The following CDC42 variants were observed in gnomAD, a reference collection of about 807,000 sequenced individuals.
CDC42 encodes the protein cell division cycle 42.
A neutral mutation model predicts 20.8 loss-of-function variants in CDC42; 1 was observed. The ratio of observed to expected loss-of-function variants is 0.05; its 90% CI spans 0.02 to 0.23. The LOEUF (loss-of-function observed/expected upper bound fraction) is 0.23. Ranked by LOEUF, CDC42 falls within the 10% of genes least tolerant of loss-of-function variation. The pLI, the probability that CDC42 is intolerant of heterozygous loss-of-function variation, is 1.00. For synonymous variants in CDC42, 72 were observed against 84.8 expected, an observed-to-expected ratio of 0.85 and a Z score of 0.83; for missense variants, 49 against 227.9, an observed-to-expected ratio of 0.21 and a Z score of 5.05.
At chr1:22,063,082 A>T (rs551112987) in intron 1 of CDC42, among the ~76,000 whole-genome samples, 1 of 152,262 alleles carries the variant, frequency 6.6e-6, no homozygotes, top group African/African-American at 2.4e-5. Context: ...TTTAGAGTCT[A>T]TATGACTTGG....
chr1:22,065,960 A>G (rs1452329766), intron 1 of CDC42, among the ~76,000 whole-genome samples: 1 of 152,002 alleles, frequency 6.6e-6, no homozygotes, highest in Non-Finnish European at 1.5e-5. Flanking sequence ...GGATTTCACC[A>G]TGTTGGCTAG....
chr1:22,068,439 T>C (rs1215788814), intron 1 of CDC42: 1 of 153,346 alleles, frequency 6.5e-6, no homozygotes, highest in African/African-American at 2.4e-5. Flanking sequence ...TGGCAGACTT[T>C]TTTCCTGTTG....
rs1570038714 is a variant in CDC42, at chr1:22,086,756, A to G, written c.376A>G (p.Ile126Val). The part of the protein sequence containing the change: ...QIDLRDDPST[I>V]EKLAKNKQKP... ...TGATCTCAGAGATGACCCCTCTACT[A>G]TTGAGAAACTTGCCAAGAACAAACA... Residue 126 changes from isoleucine to valine, a missense_variant, in exon 5 of 6, where the codon ATT becomes GTT. Coordinates refer to ENST00000656825, the MANE Select transcript of CDC42 (RefSeq NM_001791.4). 1.9e-6 allele frequency: 3 copies of G among 1,613,982 alleles called. No individual in the cohort carries two copies. Among genetic ancestry groups the G allele is most frequent in the Non-Finnish European group, 2.5e-6 (3 of 1,179,918 alleles).
At chr1:22,069,220 G>A (rs2152828629) in intron 1 of CDC42, among the ~76,000 whole-genome samples, 1 of 142,814 alleles carries the variant, frequency 7.0e-6, no homozygotes, top group East Asian at 2.0e-4. Context: ...TCTGTCCCCA[G>A]GCTGGAGTGC....
intron 5 of CDC42, chr1:22,089,808 A>G: frequency 3.6e-6 from 3 of 830,508 alleles, no homozygotes; most frequent in Non-Finnish European, 5.4e-6. Flanking sequence ...CTTAAGATCT[A>G]GCATTCTAGC....
intron 1 of CDC42, among the ~76,000 whole-genome samples, chr1:22,073,331 T>G (rs1383143592): frequency 3.3e-5 from 5 of 150,798 alleles, no homozygotes; most frequent in Non-Finnish European, 7.4e-5. Flanking sequence ...GAGGTCAGGA[T>G]TTTGAGACCA....
In CDC42 at chr1:22,092,838, A is replaced by C. The variant is rs563527476; in HGVS notation, c.*1321A>C. 3.1e-4 allele frequency: 47 copies of C among 152,724 alleles called. No individual in the cohort carries two copies. Among genetic ancestry groups the C allele is most frequent in the Non-Finnish European group, 5.6e-4 (38 of 68,026 alleles). The allele number at this position is 152,724 out of a possible 1,614,324, so 9.5% of individuals were successfully genotyped here. On this transcript the variant is annotated 3_prime_UTR_variant, in exon 6 of 6. Coordinates refer to ENST00000656825, the MANE Select transcript of CDC42 (RefSeq NM_001791.4). ...TGAGGTAATCTTTCCCACCTTCCCAAACCTAATTCTTGTAGATGCATTAGT... is the reference window on the plus strand; with the variant it reads ...TGAGGTAATCTTTCCCACCTTCCCACACCTAATTCTTGTAGATGCATTAGT...
Position 22,099,420 on chromosome 1 carries a change from T to C in CDC42, c.*7903T>C, listed in dbSNP as rs1263407461. 6.6e-6 allele frequency among the ~76,000 whole-genome samples: 1 copy of C among 152,252 alleles called. No individual in the cohort carries two copies. The highest frequency in any genetic ancestry group is 2.4e-5 in the African/African-American group (1 of 41,472). On this transcript the variant is annotated 3_prime_UTR_variant, in exon 6 of 6. Transcript: ENST00000656825. ...GTATCTTCTTTTTATGGAGCAGGACTCTGAGACATCATAATTGCTTGGTAT... is the reference window on the plus strand; with the variant it reads ...GTATCTTCTTTTTATGGAGCAGGACCCTGAGACATCATAATTGCTTGGTAT...
rs991472651 is a variant in CDC42, at chr1:22,096,934, C to T, written c.*5417C>T. Among the ~76,000 whole-genome samples the T allele has an allele frequency of 2.0e-5, 3 of 152,224 alleles. No individual in the cohort carries two copies. The highest frequency in any genetic ancestry group is 1.3e-4 in the Admixed American group (2 of 15,286). On this transcript the variant is annotated 3_prime_UTR_variant, in exon 6 of 6. Transcript: ENST00000656825. Reference sequence around the variant, plus strand: ...CAGTGCACAACTTGGACAGTTCATACACAATGTTGTATTGAGATGATTGTT... The same window carrying T: ...CAGTGCACAACTTGGACAGTTCATATACAATGTTGTATTGAGATGATTGTT...
At chr1:22,073,550 AAG>A (rs1370193457) in intron 1 of CDC42, among the ~76,000 whole-genome samples, 1 of 152,110 alleles carries the variant, frequency 6.6e-6, no homozygotes, top group Admixed American at 6.6e-5. Flanking sequence ...AAAAAAAAAA[AAG>A]AAAAATAAAA....
At chr1:22,069,792 G>A (rs1297257930) in intron 1 of CDC42, among the ~76,000 whole-genome samples, 1 of 143,248 alleles carries the variant, frequency 7.0e-6, no homozygotes, top group Admixed American at 7.3e-5. Flanking sequence ...TTGTTTGTTT[G>A]TTTTTGTTGT....
chr1:22,053,845 G>A (rs775936947), intron 1 of CDC42, among the ~76,000 whole-genome samples: 1 of 152,192 alleles, frequency 6.6e-6, no homozygotes, highest in Non-Finnish European at 1.5e-5. Flanking sequence ...TAAAATCCCA[G>A]GATTAGTTTG....
At chr1:22,078,268 T>G (rs555717870) in intron 1 of CDC42, among the ~76,000 whole-genome samples, 161 bp from the exon 2 acceptor site, 1 of 152,230 alleles carries the variant, frequency 6.6e-6, no homozygotes, top group Non-Finnish European at 1.5e-5. Flanking sequence ...TTATTTGTTA[T>G]TGTAACTTAT....
intron 3 of CDC42, among the ~76,000 whole-genome samples, chr1:22,083,658 C>T (rs1485974729): frequency 6.6e-6 from 1 of 152,112 alleles, no homozygotes. Context: ...TGCTGACCCT[C>T]CACCATAATA....
In CDC42 at chr1:22,090,821, T is replaced by A. The variant is rs1040227699; in HGVS notation, c.487-607T>A. The A allele has an allele frequency of 3.0e-6, 3 of 984,804 alleles. No homozygotes were observed. In the African/African-American group the frequency reaches 5.2e-5, roughly 17 times the overall value. The allele number at this position is 984,804 out of a possible 1,614,324, so 61.0% of individuals were successfully genotyped here. A position where few individuals can be genotyped will look rare whatever the true frequency, so the allele number is the denominator to read the frequency against. On this transcript the variant is annotated intron_variant, in intron 5 of 5. Transcript: ENST00000656825. ...CGTTTGTATAAATGCCTGATGAAGC[T>A]TTATTCCTGTTGCACTGACTGGCTC...
chr1:22,090,294 A>G (rs1443682408), intron 5 of CDC42: 58 of 1,144,052 alleles, frequency 5.1e-5, no homozygotes, highest in East Asian at 1.8e-4. Flanking sequence ...TTGGATTACT[A>G]TTGCAAAAGG....
rs1460283508 is a variant in CDC42 at position 22,093,690 on chromosome 1, CA to C, written c.*2174del. 6.6e-6 allele frequency among the ~76,000 whole-genome samples: 1 copy of C among 152,166 alleles called. No individual in the cohort carries two copies. The highest frequency in any genetic ancestry group is 1.5e-5 in the Non-Finnish European group (1 of 68,020). On this transcript the variant is annotated 3_prime_UTR_variant, in exon 6 of 6. Coordinates refer to ENST00000656825, the MANE Select transcript of CDC42 (RefSeq NM_001791.4). ...AGGAAGAGGCAGATGTAAGCTTTAA[CA>C]GTTCTAACCAAGAAATGCATCTTAT...
At chr1:22,070,008 A>G (rs185049149) in intron 1 of CDC42, among the ~76,000 whole-genome samples, 13 of 152,110 alleles carry the variant, frequency 8.5e-5, no homozygotes, top group African/African-American at 3.1e-4. Context: ...GGTTGTTCTC[A>G]AACTCCTGGC....
rs767270218 is a variant in CDC42 at position 22,092,357 on chromosome 1, C to T, written c.*840C>T. The T allele has an allele frequency of 6.6e-6, 1 of 152,498 alleles. No homozygotes were observed. The highest frequency in any genetic ancestry group is 1.5e-5 in the Non-Finnish European group (1 of 68,008). The allele number at this position is 152,498 out of a possible 1,614,324, so 9.4% of individuals were successfully genotyped here. ...CTGATAAATGAAGAAAAGTATTGCA[C>T]CTTTGAAATGCACCAAATGAATTGA... On this transcript the variant is annotated 3_prime_UTR_variant, in exon 6 of 6. Coordinates refer to ENST00000656825, the MANE Select transcript of CDC42 (RefSeq NM_001791.4).
Sources: gnomAD v4.1 joint callset for allele counts (sites outside exome capture counted in the v4.1 genomes callset) on GRCh38, gnomAD v4.1.1 for gene constraint, MANE v1.5 for transcripts, NCBI Gene and HGNC (gene_info 2026-07-23, HGNC 2026-07-21) for gene names.